Variants in AANAT observed in about 807,000 individuals in gnomAD.
AANAT encodes the protein serotonin N-acetyltransferase.
Under a neutral mutation model 15.6 loss-of-function variants are expected in AANAT, and 11 were observed. That is an observed-to-expected ratio of 0.71 (90% CI 0.44 to 1.17). The LOEUF (loss-of-function observed/expected upper bound fraction) is 1.17, where lower values mean the gene tolerates loss of function less well. Among genes scored for constraint, AANAT ranks in the 50% most tolerant of loss-of-function variants. The pLI, the probability that AANAT is intolerant of heterozygous loss-of-function variation, is 0.00. For synonymous variants in AANAT, 139 were observed against 131.5 expected (o/e 1.06, Z -0.39); for missense variants, 286 against 296.3 (o/e 0.97, Z 0.26).
chr17:76,456,345 AAAAAAAG>A (rs912892236), intron 1 of AANAT, among the ~76,000 whole-genome samples: 10 of 152,104 alleles, frequency 6.6e-5, no homozygotes, highest in African/African-American at 2.4e-4. Context: ...AAAAAAAAAA[AAAAAAAG>A]AACATGCACA....
Sources: gnomAD v4.1 joint callset for allele counts (sites outside exome capture counted in the v4.1 genomes callset) on GRCh38, gnomAD v4.1.1 for gene constraint, MANE v1.5 for transcripts, NCBI Gene and HGNC (gene_info 2026-07-23, HGNC 2026-07-21) for gene names.